The following SLC30A3 variants were observed in gnomAD, a reference collection of about 807,000 sequenced individuals.
The protein encoded by SLC30A3 is probable proton-coupled zinc antiporter SLC30A3.
SLC30A3 carries 20 observed loss-of-function variants against 35.6 expected under a neutral mutation model. That is an observed-to-expected ratio of 0.56 (90% CI 0.39 to 0.82). The LOEUF (loss-of-function observed/expected upper bound fraction) is 0.82. Ranked by LOEUF, SLC30A3 falls within the 40% of genes least tolerant of loss-of-function variation. The pLI is 0.00. For missense variants in SLC30A3, 401 were observed against 530.6 expected (o/e 0.76, Z 2.40); for synonymous variants, 217 against 224.7 (o/e 0.97, Z 0.31).
At position 27,255,282 on chromosome 2, in the gene SLC30A3, C is replaced by A. The variant is rs750261247; in HGVS notation, c.*30G>T. 19 of 1,612,362 alleles carry A rather than the reference C, an allele frequency of 1.2e-5. No individual in the cohort carries two copies. Among genetic ancestry groups the A allele is most frequent in the Non-Finnish European group, 1.6e-5 (19 of 1,179,002 alleles). On this transcript the variant is annotated 3_prime_UTR_variant, in exon 8 of 8. Transcript: ENST00000233535. This position sits in a 1 kb window ranked among gnomAD's most constrained non-coding sequence, Gnocchi z 5.2. ...TGAGAGTCTGGGGCTGAGCCTCGGCCTGGCAGTGGGGTGAGGGCAGGGCCA... is the reference window on the plus strand; with the variant it reads ...TGAGAGTCTGGGGCTGAGCCTCGGCATGGCAGTGGGGTGAGGGCAGGGCCA...
chr2:27,255,466 GGA>G lies in SLC30A3; in HGVS notation c.1019-8_1019-7del. The G allele has an allele frequency of 8.7e-6, 14 of 1,612,574 alleles. No homozygotes were observed. Among genetic ancestry groups the G allele is most frequent in the Non-Finnish European group, 1.2e-5 (14 of 1,179,594 alleles). ...TTCAGGGTCAGCGGTGGAGTCTGTG[GGA>G]GAGTGATAAGAGGCGGCATCCATCC... On this transcript the variant is annotated splice_region_variant and splice_polypyrimidine_tract_variant and intron_variant, in intron 7 of 7. Coordinates refer to ENST00000233535, the MANE Select transcript of SLC30A3 (RefSeq NM_003459.5). The surrounding 1 kb of genome is among the most constrained non-coding windows in gnomAD (Gnocchi z 5.2).
At chr2:27,256,351 C>T (rs779314319) in intron 7 of SLC30A3, 35 bp downstream of exon 7, 38 of 1,611,936 alleles carry the variant, frequency 2.4e-5, no homozygotes, top group Middle Eastern at 1.7e-4. Context: ...GGGGTATGTT[C>T]CAGGTAGTAA....
chr2:27,270,166 TTAAC>T (rs1160902013), intron 1 of SLC30A3, among the ~76,000 whole-genome samples: 1 of 152,228 alleles, frequency 6.6e-6, no homozygotes, highest in Non-Finnish European at 1.5e-5. Flanking sequence ...GGGTGAGGTA[TTAAC>T]TATTTTTTCA....
chr2:27,273,930 C>T (rs545206755), intron 1 of SLC30A3, among the ~76,000 whole-genome samples: 69 of 152,274 alleles, frequency 4.5e-4, no homozygotes, highest in African/African-American at 1.6e-3. Context: ...CACCAAAAAA[C>T]ATTATCAGCT....
chr2:27,265,128 TAAC>T (rs1677442163), upstream of SLC30A3, among the ~76,000 whole-genome samples: 1 of 152,082 alleles, frequency 6.6e-6, no homozygotes, highest in African/African-American at 2.4e-5. The surrounding 1 kb of genome is among the most constrained non-coding windows in gnomAD (Gnocchi z 5.9). Context: ...ACAGGGGACA[TAAC>T]AACAATGGCT....
chr2:27,264,125 G>C, upstream of SLC30A3: 2 of 1,184,602 alleles, frequency 1.7e-6, no homozygotes. The surrounding 1 kb of genome is among the most constrained non-coding windows in gnomAD (Gnocchi z 6.1). Flanking sequence ...TGCACTCGAA[G>C]CTGTGACAGT....
At chr2:27,269,760 A>G (rs927448127) in intron 1 of SLC30A3, among the ~76,000 whole-genome samples, 4 of 152,116 alleles carry the variant, frequency 2.6e-5, no homozygotes, top group Non-Finnish European at 5.9e-5. Context: ...CAGGAGGTTG[A>G]GGCAGAAGAA....
chr2:27,263,956 C>T (rs146196189), upstream of SLC30A3: 1,261 of 989,514 alleles, frequency 1.3e-3, 14 homozygotes, highest in Admixed American at 0.018. Context: ...CTGGACATTA[C>T]CGCATTCTGC....
intron 1 of SLC30A3, among the ~76,000 whole-genome samples, chr2:27,272,494 A>ATTTTTT (rs1216610551): frequency 7.5e-6 from 1 of 133,776 alleles, no homozygotes; most frequent in Non-Finnish European, 1.6e-5. Context: ...GAAGGCAGCT[A>ATTTTTT]TTTTTTTTTT....
chr2:27,259,053 T>C (rs1677036367), intron 1 of SLC30A3, 119 bp from the exon 2 acceptor site: 2 of 780,120 alleles, frequency 2.6e-6, no homozygotes, highest in African/African-American at 1.8e-5. Context: ...CCTGGTCGTA[T>C]CTGGGAGCTG....
chr2:27,262,918 C>T lies in SLC30A3; in HGVS notation c.-12G>A. ...GGAGAGGGCTCCATGTTCCCGGTGC[C>T]CCGACCGTCTAGGCCCCACCGAGGA... is the stretch of plus-strand genomic sequence containing the variant. On this transcript the variant is annotated 5_prime_UTR_variant, in exon 1 of 8. Transcript: ENST00000233535. This position sits in a 1 kb window ranked among gnomAD's most constrained non-coding sequence, Gnocchi z 7.5. The T allele has an allele frequency of 6.4e-7, 1 of 1,552,682 alleles. No individual in the cohort carries two copies. The highest frequency in any genetic ancestry group is 8.6e-7 in the Non-Finnish European group (1 of 1,157,036).
In SLC30A3 at chr2:27,271,035, A is replaced by G. The variant is rs759215984; in HGVS notation, c.-159+4142T>C. Among the ~76,000 whole-genome samples the G allele has an allele frequency of 4.6e-5, 7 of 152,194 alleles. No individual in the cohort carries two copies. The highest frequency in any genetic ancestry group is 1.0e-4 in the Non-Finnish European group (7 of 68,040). ...GAAAACTCAGGTCAGATCTCACTAG[A>G]TAACCTTAAGCAGGTCAATCCGCCT... On this transcript the variant is annotated intron_variant, in intron 1 of 5. Coordinates refer to the SLC30A3 transcript ENST00000424577. This position sits in a 1 kb window ranked among gnomAD's most constrained non-coding sequence, Gnocchi z 4.3.
At chr2:27,263,356 C>G (rs973639998), upstream of SLC30A3, 1 of 464,278 alleles carries the variant, frequency 2.2e-6, no homozygotes, top group Non-Finnish European at 4.4e-6. Flanking sequence ...CTTCGCCCAA[C>G]GACCACCACT....
At position 27,258,398 on chromosome 2, in the gene SLC30A3, A is replaced by T; in HGVS notation, c.278-91T>A. 7.6e-7 allele frequency: 1 copy of T among 1,319,578 alleles called. No individual in the cohort carries two copies. Among genetic ancestry groups the T allele is most frequent in the Non-Finnish European group, 1.0e-6 (1 of 987,812 alleles). 81.7% of individuals were successfully genotyped at this position (1,319,578 alleles called of 1,614,324 possible). Reference sequence around the variant, plus strand: ...GAAAATAAATTGGGGGATATACACCAAAAATGTGATTTGGGGTTTTCTCAG... The same window carrying T: ...GAAAATAAATTGGGGGATATACACCTAAAATGTGATTTGGGGTTTTCTCAG... On this transcript the variant is annotated intron_variant, in intron 2 of 7. Coordinates refer to ENST00000233535, the MANE Select transcript of SLC30A3 (RefSeq NM_003459.5). This position sits in a 1 kb window ranked among gnomAD's most constrained non-coding sequence, Gnocchi z 4.0.
In SLC30A3 at chr2:27,272,064, G is replaced by GT. The variant is rs1477049809; in HGVS notation, c.-159+3112dup. ...TGTGAGGATCCAAAGAGATAATTAGGTAGGAGTGTCTCGGAAAAGCCTCAC... is the reference window on the plus strand; with the variant it reads ...TGTGAGGATCCAAAGAGATAATTAGGTTAGGAGTGTCTCGGAAAAGCCTCAC... On this transcript the variant is annotated intron_variant, in intron 1 of 5. Coordinates refer to the SLC30A3 transcript ENST00000424577. 2.0e-5 allele frequency among the ~76,000 whole-genome samples: 3 copies of GT among 152,310 alleles called. No homozygotes were observed. The East Asian group carries it at 5.8e-4, about 29-fold the overall frequency.
Position 27,257,093 on chromosome 2 carries a change from A to G in SLC30A3, c.777+61T>C. On this transcript the variant is annotated intron_variant, in intron 5 of 7. Coordinates refer to ENST00000233535, the MANE Select transcript of SLC30A3 (RefSeq NM_003459.5). The surrounding 1 kb of genome is among the most constrained non-coding windows in gnomAD (Gnocchi z 4.7). ...AGGAAGGAAGCTTTGGGACCTGGGA[A>G]GGAGTGGGCTGGGATGTGGTTGTGG... The G allele has an allele frequency of 6.6e-7, 1 of 1,517,358 alleles. No individual in the cohort carries two copies. The allele number at this position is 1,517,358 out of a possible 1,614,324, so 94.0% of individuals were successfully genotyped here. A position where few individuals can be genotyped will look rare whatever the true frequency, so the allele number is the denominator to read the frequency against.
chr2:27,263,185 T>C (rs1677318307), upstream of SLC30A3: 18 of 1,018,658 alleles, frequency 1.8e-5, no homozygotes, highest in Non-Finnish European at 2.0e-5. Context: ...CAAAGCCCCA[T>C]TTCCCCGCGC....
intron 1 of SLC30A3, among the ~76,000 whole-genome samples, chr2:27,260,621 C>T (rs879837135): frequency 8.5e-5 from 13 of 152,158 alleles, no homozygotes; most frequent in Non-Finnish European, 1.8e-4. Flanking sequence ...CAAGTAAAAA[C>T]GATGGCTCCA....
At chr2:27,269,156 T>C (rs1677620279) in intron 1 of SLC30A3, among the ~76,000 whole-genome samples, 1 of 151,426 alleles carries the variant, frequency 6.6e-6, no homozygotes, top group South Asian at 2.1e-4. Context: ...TGGGGGCAAA[T>C]GATGAATTCA....
Sources: allele counts gnomAD v4.1 joint callset (sites outside exome capture counted in the v4.1 genomes callset), GRCh38; gene constraint gnomAD v4.1.1; non-coding constraint Gnocchi (gnomAD v3.1); transcripts MANE v1.5; gene names NCBI Gene and HGNC (gene_info 2026-07-23, HGNC 2026-07-21).